The following CNTN5 variants were observed in gnomAD, a reference collection of about 807,000 sequenced individuals.
CNTN5 encodes contactin 5.
A neutral mutation model predicts 129.1 loss-of-function variants in CNTN5; 77 were observed. That is an observed-to-expected ratio of 0.60 (90% CI 0.50 to 0.72). The LOEUF (loss-of-function observed/expected upper bound fraction) is 0.72, where lower values mean the gene tolerates loss of function less well. Ranked by LOEUF, CNTN5 falls within the 30% of genes least tolerant of loss-of-function variation. The pLI is 0.00. For missense variants in CNTN5, 1,478 were observed against 1,328.8 expected (o/e 1.11, Z -1.75); for synonymous variants, 509 against 465.6 (o/e 1.09, Z -1.20).
intron 1 of CNTN5, among the ~76,000 whole-genome samples, chr11:99,264,700 T>C (rs1169435699): frequency 6.6e-6 from 1 of 152,128 alleles, no homozygotes; most frequent in Non-Finnish European, 1.5e-5. Context: ...TTAAAAATCC[T>C]CTCTCATCAT....
At chr11:100,245,207 A>T (rs1276097595) in intron 16 of CNTN5, among the ~76,000 whole-genome samples, 4 of 152,164 alleles carry the variant, frequency 2.6e-5, no homozygotes, top group Non-Finnish European at 4.4e-5. Context: ...CCCTACACTA[A>T]GGCTGGTTTC....
intron 1 of CNTN5, among the ~76,000 whole-genome samples, chr11:99,287,053 G>A (rs1863969526): frequency 6.6e-6 from 1 of 152,074 alleles, no homozygotes; most frequent in Admixed American, 6.6e-5. Context: ...GAAGTTTTGG[G>A]GAAACATGAT....
At chr11:99,940,115 G>C (rs1950402522) in intron 7 of CNTN5, among the ~76,000 whole-genome samples, 1 of 152,070 alleles carries the variant, frequency 6.6e-6, no homozygotes, top group Non-Finnish European at 1.5e-5. Context: ...TCAGCATCTA[G>C]TGGGTGAAGG....
At chr11:99,901,402 C>A (rs970769806) in intron 6 of CNTN5, among the ~76,000 whole-genome samples, 2 of 151,976 alleles carry the variant, frequency 1.3e-5, no homozygotes, top group East Asian at 1.9e-4. Flanking sequence ...ATGGTTCTCC[C>A]ACCTCAGTCT....
At chr11:99,995,923 G>A (rs568158972) in intron 8 of CNTN5, among the ~76,000 whole-genome samples, 1 of 152,220 alleles carries the variant, frequency 6.6e-6, no homozygotes, top group East Asian at 1.9e-4. Flanking sequence ...ATGACTGTAG[G>A]TGTTCTCCCC....
At chr11:99,097,270 A>G (rs1463378999) in intron 1 of CNTN5, among the ~76,000 whole-genome samples, 2 of 151,912 alleles carry the variant, frequency 1.3e-5, no homozygotes, top group African/African-American at 4.8e-5. Flanking sequence ...AAAGTCATCA[A>G]CCATTAGACA....
chr11:100,283,929 T>A (rs554729639), intron 18 of CNTN5, among the ~76,000 whole-genome samples: 4 of 151,956 alleles, frequency 2.6e-5, no homozygotes, highest in African/African-American at 7.3e-5. Flanking sequence ...CTGGGTGACA[T>A]AGCGAGACTC....
chr11:100,244,646 GT>G (rs1298850394), intron 16 of CNTN5, among the ~76,000 whole-genome samples: 2 of 151,978 alleles, frequency 1.3e-5, no homozygotes, highest in Non-Finnish European at 2.9e-5. Flanking sequence ...TCTTTTTCTG[GT>G]TTCCAATACT....
intron 3 of CNTN5, among the ~76,000 whole-genome samples, chr11:99,807,206 C>A (rs1488400995): frequency 2.0e-5 from 3 of 151,896 alleles, no homozygotes; most frequent in African/African-American, 7.3e-5. Flanking sequence ...TGCAAAATAA[C>A]ATAAAGAAAA....
chr11:100,030,750 A>G (rs1941665059), intron 9 of CNTN5, among the ~76,000 whole-genome samples: 1 of 152,248 alleles, frequency 6.6e-6, no homozygotes, highest in South Asian at 2.1e-4. Flanking sequence ...CTTATAAAAC[A>G]CAAAAGATAA....
At chr11:99,911,519 A>G (rs983031128) in intron 6 of CNTN5, among the ~76,000 whole-genome samples, 5 of 151,900 alleles carry the variant, frequency 3.3e-5, no homozygotes, top group Non-Finnish European at 7.4e-5. Context: ...ACTCCTCCCC[A>G]ATAACTAAAC....
intron 1 of CNTN5, among the ~76,000 whole-genome samples, chr11:99,152,961 A>G (rs11218565): frequency 0.11 from 16,239 of 152,274 alleles, 1,112 homozygotes; most frequent in East Asian, 0.34. Context: ...TAAATGCTGA[A>G]TCTAGGCCTC....
In CNTN5 at chr11:100,203,937, T is replaced by C. The variant is rs76613556; in HGVS notation, c.1884+10274T>C. The stretch of plus-strand genomic sequence containing the variant: ...GCATAATAATTCTCTGAAAATATCA[T>C]GTTCTCACATGCTGACCCACTGCCA... On this transcript the variant is annotated intron_variant, in intron 15 of 24. Coordinates refer to ENST00000524871, the MANE Select transcript of CNTN5 (RefSeq NM_014361.4). Among the ~76,000 whole-genome samples, 242 of 151,868 alleles carry C rather than the reference T, an allele frequency of 1.6e-3. 2 individuals carry two copies. The East Asian group carries it at 0.031, about 19-fold the overall frequency.
intron 9 of CNTN5, among the ~76,000 whole-genome samples, chr11:100,005,359 C>G (rs1462074483): frequency 1.3e-5 from 2 of 152,090 alleles, no homozygotes; most frequent in Non-Finnish European, 2.9e-5. Context: ...GCTATACTTG[C>G]CTCTACCTTT....
chr11:100,189,902 C>T (rs897712718), intron 13 of CNTN5, among the ~76,000 whole-genome samples: 1 of 151,972 alleles, frequency 6.6e-6, no homozygotes, highest in Non-Finnish European at 1.5e-5. Context: ...AAGTTTGATC[C>T]ATATTGGAAA....
rs141897927 is a variant in CNTN5 at position 99,194,749 on chromosome 11, G to A, written c.-209-130597G>A. ...GCCTCCCCAGTAGCTGGGACTACAGGTGCATGCCGCCATGCCCAGCTAATA... is the reference window on the plus strand; with the variant it reads ...GCCTCCCCAGTAGCTGGGACTACAGATGCATGCCGCCATGCCCAGCTAATA... On this transcript the variant is annotated intron_variant, in intron 1 of 24. Transcript: ENST00000524871. Among the ~76,000 whole-genome samples, 264 of 152,188 alleles carry A rather than the reference G, an allele frequency of 1.7e-3. 3 individuals carry two copies. The highest frequency in any genetic ancestry group is 6.1e-3 in the African/African-American group (252 of 41,546).
chr11:99,510,050 G>T (rs1176897347), intron 2 of CNTN5, among the ~76,000 whole-genome samples: 2 of 151,374 alleles, frequency 1.3e-5, no homozygotes, highest in Non-Finnish European at 2.9e-5. Context: ...TCTATTATGG[G>T]GCTTAAATTG....
In CNTN5 at chr11:99,462,109, C is replaced by T. The variant is rs539409375; in HGVS notation, c.-70-94036C>T. 3.5e-4 allele frequency among the ~76,000 whole-genome samples: 53 copies of T among 152,102 alleles called. 1 individual carries two copies. In the Middle Eastern group the frequency reaches 0.014, roughly 39 times the overall value. ...GGTTTGTGGCTACCATATTATACAG[C>T]GCAGTTCTAGAGTGACTGGGAAGGT... On this transcript the variant is annotated intron_variant, in intron 2 of 24. Transcript: ENST00000524871.
chr11:99,244,481 A>T (rs1291478655), intron 1 of CNTN5, among the ~76,000 whole-genome samples: 1 of 152,326 alleles, frequency 6.6e-6, no homozygotes, highest in East Asian at 1.9e-4. Flanking sequence ...AATTATTATT[A>T]TAAATTAACA....
Sources: allele counts gnomAD v4.1 joint callset (sites outside exome capture counted in the v4.1 genomes callset), GRCh38; gene constraint gnomAD v4.1.1; transcripts MANE v1.5; gene names NCBI Gene and HGNC (gene_info 2026-07-23, HGNC 2026-07-21).